RAPGEF5: variants seen among roughly 807,000 people sequenced by gnomAD.
RAPGEF5 encodes the protein M-Ras-regulated GEF.
A neutral mutation model predicts 125.2 loss-of-function variants in RAPGEF5; 65 were observed. The ratio of observed to expected loss-of-function variants is 0.52; its 90% CI spans 0.43 to 0.64. The LOEUF (loss-of-function observed/expected upper bound fraction) is 0.64. RAPGEF5 is among the 30% of genes least tolerant of loss of function. The pLI, the probability that RAPGEF5 is intolerant of heterozygous loss-of-function variation, is 0.00. For synonymous variants in RAPGEF5, 391 were observed against 385.9 expected (o/e 1.01, Z -0.16); for missense variants, 958 against 1,048.1 (o/e 0.91, Z 1.19).
chr7:22,353,576 G>T (rs1413982518), intron 1 of RAPGEF5, among the ~76,000 whole-genome samples: 1 of 152,112 alleles, frequency 6.6e-6, no homozygotes, highest in Admixed American at 6.5e-5. Context: ...AACTGTTGAA[G>T]CACAGGTGTT....
At chr7:22,263,212 T>C (rs1490201315) in intron 7 of RAPGEF5, among the ~76,000 whole-genome samples, 1 of 152,174 alleles carries the variant, frequency 6.6e-6, no homozygotes, top group Non-Finnish European at 1.5e-5. Flanking sequence ...GAGGGATCGC[T>C]GTGTTGATGA....
chr7:22,313,239 T>A (rs1783514358), intron 3 of RAPGEF5, among the ~76,000 whole-genome samples: 2 of 152,374 alleles, frequency 1.3e-5, no homozygotes, highest in Non-Finnish European at 2.9e-5. Context: ...AATGCTACAA[T>A]AATCTTTAAA....
chr7:22,150,414 T>A lies in RAPGEF5; in HGVS notation c.1877A>T (p.Asp626Val). Residue 626 changes from aspartate to valine, a missense_variant, in exon 18 of 26, where the codon GAC (aspartate) becomes GTC (valine). Coordinates refer to ENST00000665637, the MANE Select transcript of RAPGEF5 (RefSeq NM_012294.5). ...AAGGCTGAAGGTCCTTACCAAAGTG[T>A]CCGCCAGGTCTTTCCGGTAGACATA... ...RIYVYRKDLADTLNPFAENEE... is the reference protein window; with the variant it reads ...RIYVYRKDLAVTLNPFAENEE... 2 of 1,607,376 alleles carry A rather than the reference T, an allele frequency of 1.2e-6. No individual in the cohort carries two copies. The highest frequency in any genetic ancestry group is 1.7e-6 in the Non-Finnish European group (2 of 1,177,338).
intron 1 of RAPGEF5, among the ~76,000 whole-genome samples, chr7:22,326,260 G>A (rs1198822618): frequency 6.6e-6 from 1 of 152,210 alleles, no homozygotes; most frequent in Non-Finnish European, 1.5e-5. Context: ...TGTAGCAGCA[G>A]AATGGACCTC....
chr7:22,221,151 G>A (rs1182803412), intron 8 of RAPGEF5, among the ~76,000 whole-genome samples: 1 of 152,204 alleles, frequency 6.6e-6, no homozygotes, highest in African/African-American at 2.4e-5. Context: ...AGGACAGCAA[G>A]TGGAATTCCT....
chr7:22,207,860 G>A (rs944431156), intron 9 of RAPGEF5, among the ~76,000 whole-genome samples: 4 of 152,182 alleles, frequency 2.6e-5, no homozygotes, highest in Admixed American at 6.6e-5. Context: ...TGTCATTTAT[G>A]ATTTGTGTCC....
chr7:22,201,713 C>A (rs1785281302), intron 9 of RAPGEF5, among the ~76,000 whole-genome samples: 1 of 152,180 alleles, frequency 6.6e-6, no homozygotes, highest in African/African-American at 2.4e-5. Context: ...CCCATGTGAC[C>A]TTTGAGAGTG....
In RAPGEF5 at chr7:22,261,620, T is replaced by G. The variant is rs539626137; in HGVS notation, c.796+5344A>C. ...CGGCCTAGGCAACAGAGTGAGACCCTGTCTCAAAAATAATAACGATAATAT... is the reference window on the plus strand; with the variant it reads ...CGGCCTAGGCAACAGAGTGAGACCCGGTCTCAAAAATAATAACGATAATAT... On this transcript the variant is annotated intron_variant, in intron 7 of 25. Coordinates refer to ENST00000665637, the MANE Select transcript of RAPGEF5 (RefSeq NM_012294.5). 3.3e-5 allele frequency among the ~76,000 whole-genome samples: 5 copies of G among 152,232 alleles called. No individual in the cohort carries two copies. The South Asian group carries it at 1.0e-3, about 32-fold the overall frequency.
chr7:22,129,306 G>T (rs118049281), intron 24 of RAPGEF5, among the ~76,000 whole-genome samples: 2,047 of 152,290 alleles, frequency 0.013, 20 homozygotes, highest in East Asian at 0.041. Context: ...AAAGAGTTTA[G>T]TTGTTCTCCC....
intron 11 of RAPGEF5, among the ~76,000 whole-genome samples, chr7:22,170,688 C>G (rs1274162924): frequency 2.0e-5 from 3 of 152,180 alleles, no homozygotes; most frequent in Non-Finnish European, 4.4e-5. Flanking sequence ...GTGGCAAACC[C>G]ATTTGGCATT....
At chr7:22,239,670 C>G (rs1253603711) in intron 7 of RAPGEF5, among the ~76,000 whole-genome samples, 1 of 152,034 alleles carries the variant, frequency 6.6e-6, no homozygotes, top group African/African-American at 2.4e-5. Flanking sequence ...AGCTTCTCTT[C>G]TACTTCTTAA....
chr7:22,157,728 C>G, intron 15 of RAPGEF5, 127 bp downstream of exon 15: 1 of 1,023,284 alleles, frequency 9.8e-7, no homozygotes, highest in South Asian at 1.4e-5. Flanking sequence ...GCTGCAGCCC[C>G]AGGCGCCCCG....
At chr7:22,171,195 A>G (rs944305729) in intron 11 of RAPGEF5, among the ~76,000 whole-genome samples, 1 of 152,202 alleles carries the variant, frequency 6.6e-6, no homozygotes, top group Non-Finnish European at 1.5e-5. Flanking sequence ...CATGATGGTT[A>G]TATGAATGAT....
intron 16 of RAPGEF5, 93 bp from the exon 17 acceptor site, chr7:22,154,697 A>AG: frequency 7.1e-7 from 1 of 1,407,952 alleles, no homozygotes; most frequent in Non-Finnish European, 9.6e-7. Flanking sequence ...AACTTTTCTA[A>AG]ATCAACCCAC....
At chr7:22,123,398 T>C (rs1782642736) in intron 25 of RAPGEF5, among the ~76,000 whole-genome samples, 1 of 152,068 alleles carries the variant, frequency 6.6e-6, no homozygotes, top group African/African-American at 2.4e-5. Flanking sequence ...TGCACTACAG[T>C]AAAACAATGG....
chr7:22,209,714 T>C lies in RAPGEF5; in HGVS notation c.996+10152A>G, dbSNP rs1217720150. Reference sequence around the variant, plus strand: ...CTGCTAATAGGTAGGGGAGGAGTAGTTCTAAAGAAGTGTTGTCTTAGGGCA... The same window carrying C: ...CTGCTAATAGGTAGGGGAGGAGTAGCTCTAAAGAAGTGTTGTCTTAGGGCA... On this transcript the variant is annotated intron_variant, in intron 9 of 25. Transcript: ENST00000665637. Among the ~76,000 whole-genome samples, 4 of 152,158 alleles carry C rather than the reference T, an allele frequency of 2.6e-5. No homozygotes were observed. The East Asian group carries it at 7.7e-4, about 29-fold the overall frequency.
intron 11 of RAPGEF5, among the ~76,000 whole-genome samples, chr7:22,184,401 C>T (rs1003837880): frequency 6.6e-6 from 1 of 152,194 alleles, no homozygotes; most frequent in African/African-American, 2.4e-5. Flanking sequence ...GTAACATTTG[C>T]ATAACCTTTC....
At chr7:22,240,797 C>T (rs561065898) in intron 7 of RAPGEF5, among the ~76,000 whole-genome samples, 1 of 152,006 alleles carries the variant, frequency 6.6e-6, no homozygotes, top group South Asian at 2.1e-4. Flanking sequence ...GCAAAATGTT[C>T]ATTCACTTAA....
intron 9 of RAPGEF5, among the ~76,000 whole-genome samples, chr7:22,207,068 T>C (rs1167395187): frequency 1.3e-5 from 2 of 152,172 alleles, no homozygotes; most frequent in Non-Finnish European, 2.9e-5. Flanking sequence ...TTGAACAAGA[T>C]AGTATTTTCC....
Sources: allele counts gnomAD v4.1 joint callset (sites outside exome capture counted in the v4.1 genomes callset), GRCh38; gene constraint gnomAD v4.1.1; transcripts MANE v1.5; gene names NCBI Gene and HGNC (gene_info 2026-07-23, HGNC 2026-07-21).